PP2D1: variants seen among roughly 807,000 people sequenced by gnomAD.
PP2D1 encodes the protein protein phosphatase 2C like domain containing 1, also known as protein phosphatase 2C-like domain-containing protein 1.
PP2D1 carries 25 observed loss-of-function variants against 30.2 expected under a neutral mutation model. That is an observed-to-expected ratio of 0.83 (90% CI 0.60 to 1.16). The LOEUF is 1.16. Among genes scored for constraint, PP2D1 ranks in the 50% most tolerant of loss-of-function variants. The pLI is 0.00. For missense variants in PP2D1, 760 were observed against 742.4 expected, an observed-to-expected ratio of 1.02 and a Z score of -0.28; for synonymous variants, 260 against 258.9, an observed-to-expected ratio of 1.00 and a Z score of -0.04.
chr3:19,980,308 C>T (rs1295912578), intron 3 of PP2D1: 1 of 152,158 alleles, frequency 6.6e-6, no homozygotes, highest in Non-Finnish European at 1.5e-5. Flanking sequence ...CTAATAAAGT[C>T]ATTTTTCGAG....
intron 1 of PP2D1, 28 bp downstream of exon 1, chr3:20,012,022 T>C: frequency 1.3e-6 from 2 of 1,504,938 alleles, no homozygotes; most frequent in Non-Finnish European, 1.8e-6. Context: ...CTATACGTAT[T>C]ATCCAAAAAA....
intron 1 of PP2D1, among the ~76,000 whole-genome samples, chr3:20,005,566 C>G (rs1417644321): frequency 1.3e-5 from 2 of 152,000 alleles, no homozygotes; most frequent in Non-Finnish European, 2.9e-5. Context: ...AGGGATGGAG[C>G]CTACGACACT....
downstream of PP2D1, among the ~76,000 whole-genome samples, chr3:19,983,142 G>T (rs536244810): frequency 2.4e-4 from 36 of 152,172 alleles, 1 homozygote; most frequent in African/African-American, 8.2e-4. Context: ...TTCAAGATCA[G>T]CCTGGGCAAC....
chr3:20,006,043 G>A (rs1194179352), intron 1 of PP2D1, among the ~76,000 whole-genome samples: 1 of 152,134 alleles, frequency 6.6e-6, no homozygotes, highest in Non-Finnish European at 1.5e-5. Context: ...TCAGGAGTTT[G>A]GGACTAGCCC....
intron 2 of PP2D1, among the ~76,000 whole-genome samples, chr3:19,997,509 C>A (rs1697197242): frequency 6.6e-6 from 1 of 152,144 alleles, no homozygotes; most frequent in Non-Finnish European, 1.5e-5. Flanking sequence ...TCATGGGGAG[C>A]AGATCCCACT....
At chr3:19,985,337 C>T, downstream of PP2D1, 1 of 1,294,486 alleles carries the variant, frequency 7.7e-7, no homozygotes, top group Non-Finnish European at 1.0e-6. Context: ...ATTGAAGAAT[C>T]ACTTTATATT....
At position 19,994,733 on chromosome 3, in the gene PP2D1, A is replaced by G. The variant is rs115601752; in HGVS notation, c.1090+6297T>C. 3.8e-3 allele frequency among the ~76,000 whole-genome samples: 584 copies of G among 152,370 alleles called. 3 individuals carry two copies. The highest frequency in any genetic ancestry group is 0.014 in the African/African-American group (567 of 41,586). On this transcript the variant is annotated intron_variant, in intron 2 of 2. Coordinates refer to ENST00000389050, the MANE Select transcript of PP2D1 (RefSeq NM_001252657.2). ...CAGAGCCAAGAGTCCAGGGAAACCA[A>G]TGCAGCTAGAGCTTGCTGAGGACAG... is the stretch of plus-strand genomic sequence containing the variant.
At chr3:19,985,320 C>T (rs1285264139), downstream of PP2D1, 1 of 1,159,594 alleles carries the variant, frequency 8.6e-7, no homozygotes, top group African/African-American at 1.6e-5. Context: ...ATCCTAATAG[C>T]TGGATCATTG....
intron 2 of PP2D1, among the ~76,000 whole-genome samples, chr3:19,996,229 A>G (rs1479273950): frequency 6.6e-6 from 1 of 152,092 alleles, no homozygotes; most frequent in Non-Finnish European, 1.5e-5. Flanking sequence ...AAAATCCCAA[A>G]AAAATCAGAA....
At chr3:19,990,553 G>T (rs1196235937) in intron 2 of PP2D1, among the ~76,000 whole-genome samples, 1 of 152,142 alleles carries the variant, frequency 6.6e-6, no homozygotes, top group Non-Finnish European at 1.5e-5. Context: ...GGAAGCAGAG[G>T]GTGAGATTCA....
chr3:19,989,907 AAATATGTACTTAC>A (rs1559496729), intron 2 of PP2D1, among the ~76,000 whole-genome samples: 2 of 152,228 alleles, frequency 1.3e-5, no homozygotes, highest in East Asian at 3.8e-4. Context: ...AATTTAATAG[AAATATGTACTTAC>A]AATGGAAGGA....
Position 19,985,400 on chromosome 3 carries a change from C to G in PP2D1, c.1873G>C (p.Glu625Gln). The G allele has an allele frequency of 1.3e-6, 2 of 1,529,984 alleles. No homozygotes were observed. The allele number at this position is 1,529,984 out of a possible 1,614,324, so 94.8% of individuals were successfully genotyped here. A position where few individuals can be genotyped will look rare whatever the true frequency, so the allele number is the denominator to read the frequency against. ...TVMVIFLNGS[E>Q]YQLLT ...TTTTTTTATGTCAGAAGCTGATATT[C>G]ACTTCCATTGAGAAATATTACCATA... is the stretch of plus-strand genomic sequence containing the variant. Residue 625 changes from glutamate to glutamine, a missense_variant, in exon 3 of 3, where the codon GAA becomes CAA. Physicochemically the swap from Glu to Gln is conservative, Grantham distance 29. Transcript: ENST00000389050.
Position 19,985,826 on chromosome 3 carries a change from G to GAC in PP2D1, c.1445_1446dup (p.Pro483ValfsTer69), listed in dbSNP as rs1455323981. ...GATGGTGATTTGTTAGGTATGATAG[G>GAC]ACAGTATGTTTCTTTATACATGTGA... On this transcript the variant is annotated frameshift_variant, in exon 3 of 3. Transcript: ENST00000389050. LOFTEE classifies it low-confidence loss of function (END_TRUNC). The GAC allele has an allele frequency of 2.6e-6, 4 of 1,536,126 alleles. No homozygotes were observed. The highest frequency in any genetic ancestry group is 3.5e-6 in the Non-Finnish European group (4 of 1,146,860).
downstream of PP2D1, chr3:19,983,565 G>GT (rs1275233574): frequency 1.6e-6 from 1 of 641,102 alleles, no homozygotes; most frequent in Admixed American, 2.6e-5. Flanking sequence ...TCAATACTCA[G>GT]TAAACATTTG....
intron 2 of PP2D1, among the ~76,000 whole-genome samples, chr3:19,998,051 T>C (rs1326830232): frequency 6.6e-6 from 1 of 151,930 alleles, no homozygotes; most frequent in African/African-American, 2.4e-5. Flanking sequence ...AAAAATAGGC[T>C]GGGCACGGTG....
chr3:19,982,784 C>T (rs1433624880), downstream of PP2D1, among the ~76,000 whole-genome samples: 2 of 149,804 alleles, frequency 1.3e-5, no homozygotes, highest in African/African-American at 2.5e-5. Context: ...AAAAAGAGAG[C>T]ATGTATATAG....
chr3:19,980,047 C>T lies in PP2D1; in HGVS notation c.*190G>A, dbSNP rs867499496. 5.3e-5 allele frequency: 8 copies of T among 152,308 alleles called. No homozygotes were observed. In the South Asian group the frequency reaches 1.7e-3, roughly 32 times the overall value. 9.4% of individuals were successfully genotyped at this position (152,308 alleles called of 1,614,324 possible). A position where few individuals can be genotyped will look rare whatever the true frequency, so the allele number is the denominator to read the frequency against. ...CGAAATGGGAAAGAACTTGCCTTTTCTCATGTAAACTGTTTTCCTGAAAAA... is the reference window on the plus strand; with the variant it reads ...CGAAATGGGAAAGAACTTGCCTTTTTTCATGTAAACTGTTTTCCTGAAAAA... On this transcript the variant is annotated 3_prime_UTR_variant and NMD_transcript_variant, in exon 4 of 4. Transcript: ENST00000333083.
rs180857316 is a variant in PP2D1, at chr3:19,997,912, C to A, written c.1090+3118G>T. ...AGTAAGGTTGGTTAATAAGTACAAA[C>A]AGTCCAGGCACAGTGGCTCACCCCT... On this transcript the variant is annotated intron_variant, in intron 2 of 2. Coordinates refer to ENST00000389050, the MANE Select transcript of PP2D1 (RefSeq NM_001252657.2). 9.5e-4 allele frequency among the ~76,000 whole-genome samples: 145 copies of A among 152,114 alleles called. 3 individuals are homozygous for A. In the East Asian group the frequency reaches 0.021, roughly 22 times the overall value.
At chr3:20,002,763 T>C (rs1404067790) in intron 1 of PP2D1, among the ~76,000 whole-genome samples, 2 of 151,512 alleles carry the variant, frequency 1.3e-5, no homozygotes, top group East Asian at 3.9e-4. Flanking sequence ...CTACTAAAAA[T>C]ACAAAAACTA....
Sources: gnomAD v4.1 joint callset for allele counts (sites outside exome capture counted in the v4.1 genomes callset) on GRCh38, gnomAD v4.1.1 for gene constraint, MANE v1.5 for transcripts, NCBI Gene and HGNC (gene_info 2026-07-23, HGNC 2026-07-21) for gene names.